Variants in CDH4 observed in about 807,000 individuals in gnomAD.
CDH4 encodes the protein cadherin-4.
Under a neutral mutation model 86.0 loss-of-function variants are expected in CDH4, and 33 were observed. That is an observed-to-expected ratio of 0.38 (90% CI 0.29 to 0.51). CDH4 has a LOEUF of 0.51. Among genes scored for constraint, CDH4 ranks in the 20% least tolerant of loss-of-function variants. The probability of loss-of-function intolerance (pLI) is 0.86; values close to 1 mark genes in which losing one functional copy is unlikely to be tolerated. For synonymous variants in CDH4, 555 were observed against 549.4 expected, an observed-to-expected ratio of 1.01 and a Z score of -0.14; for missense variants, 1,114 against 1,307.4, an observed-to-expected ratio of 0.85 and a Z score of 2.28.
At chr20:61,492,094 G>T (rs917104080) in intron 2 of CDH4, among the ~76,000 whole-genome samples, 9 of 147,420 alleles carry the variant, frequency 6.1e-5, no homozygotes, top group African/African-American at 2.4e-4. Flanking sequence ...GGTGTTGATG[G>T]TGGTGGTGTT....
Position 61,938,775 on chromosome 20 carries a change from G to C in CDH4, c.*1832G>C, listed in dbSNP as rs1372246015. 2.0e-5 allele frequency: 3 copies of C among 152,402 alleles called. No individual in the cohort carries two copies. The highest frequency in any genetic ancestry group is 4.4e-5 in the Non-Finnish European group (3 of 68,164). The allele number at this position is 152,402 out of a possible 1,614,324, so 9.4% of individuals were successfully genotyped here. On this transcript the variant is annotated 3_prime_UTR_variant, in exon 16 of 16. Coordinates refer to ENST00000614565, the MANE Select transcript of CDH4 (RefSeq NM_001794.5). ...TGCACACATCTGTGCCAGGCTCACG[G>C]CATGTTCCCGTTGGATGTCAGGGTC...
At chr20:61,821,442 A>C (rs1471975299) in intron 4 of CDH4, among the ~76,000 whole-genome samples, 17 of 16,756 alleles carry the variant, frequency 1.0e-3, no homozygotes, top group African/African-American at 1.3e-3. Context: ...CACAGCCCCC[A>C]CCCCAGCCCA....
At chr20:61,699,031 C>G (rs1449300186) in intron 2 of CDH4, among the ~76,000 whole-genome samples, 1 of 152,246 alleles carries the variant, frequency 6.6e-6, no homozygotes, top group Non-Finnish European at 1.5e-5. Flanking sequence ...TGGCAGGTCC[C>G]CACAGTGGCT....
At position 61,623,203 on chromosome 20, in the gene CDH4, G is replaced by GC. The variant is rs1163659674; in HGVS notation, c.170-120358dup. ...TCAAATCTCGACCCTGCCTATGCCA[G>GC]CCGCTGGCTCACCCCACCTGCCACG... On this transcript the variant is annotated intron_variant, in intron 2 of 15. Coordinates refer to ENST00000614565, the MANE Select transcript of CDH4 (RefSeq NM_001794.5). The surrounding 1 kb of genome is among the most constrained non-coding windows in gnomAD (Gnocchi z 4.4). Among the ~76,000 whole-genome samples the GC allele has an allele frequency of 1.3e-5, 2 of 152,140 alleles. No individual in the cohort carries two copies. Among genetic ancestry groups the GC allele is most frequent in the African/African-American group, 4.8e-5 (2 of 41,430 alleles).
Position 61,702,325 on chromosome 20 carries a change from G to A in CDH4, c.170-41238G>A, listed in dbSNP as rs556519143. Reference sequence around the variant, plus strand: ...TTTCTCGATCCTTGTGGAATCGGGGGCCCAGGATGGGACCGAACAAAGGTG... The same window carrying A: ...TTTCTCGATCCTTGTGGAATCGGGGACCCAGGATGGGACCGAACAAAGGTG... On this transcript the variant is annotated intron_variant, in intron 2 of 15. Coordinates refer to ENST00000614565, the MANE Select transcript of CDH4 (RefSeq NM_001794.5). Among the ~76,000 whole-genome samples, 11 of 152,312 alleles carry A rather than the reference G, an allele frequency of 7.2e-5. 1 individual carries two copies. In the South Asian group the frequency reaches 1.9e-3, roughly 26 times the overall value.
Position 61,917,193 on chromosome 20 carries a change from C to CTGGTAT in CDH4, c.1375-6258_1375-6257insTGGTAT, listed in dbSNP as rs1262697632. On this transcript the variant is annotated intron_variant, in intron 9 of 15. Coordinates refer to ENST00000614565, the MANE Select transcript of CDH4 (RefSeq NM_001794.5). The stretch of plus-strand genomic sequence containing the variant: ...CCATACCAGCCGGGGATGAGGAATG[C>CTGGTAT]GCCTTGCCACCTCCCAGGCTCTACC... 2.0e-5 allele frequency among the ~76,000 whole-genome samples: 3 copies of CTGGTAT among 152,184 alleles called. No homozygotes were observed. In the East Asian group the frequency reaches 5.8e-4, roughly 29 times the overall value.
intron 2 of CDH4, among the ~76,000 whole-genome samples, chr20:61,492,256 ATGG>A (rs1352048997): frequency 7.1e-6 from 1 of 139,950 alleles, no homozygotes; most frequent in Non-Finnish European, 1.6e-5. Flanking sequence ...GCTGATGCTG[ATGG>A]TGGTGTCAGT....
At chr20:61,364,965 AG>A (rs1231418663) in intron 2 of CDH4, among the ~76,000 whole-genome samples, 2 of 152,162 alleles carry the variant, frequency 1.3e-5, no homozygotes, top group African/African-American at 4.8e-5. Context: ...AGGAGCCCCC[AG>A]GGGATCCCAA....
At chr20:61,608,868 C>A (rs112164912) in intron 2 of CDH4, among the ~76,000 whole-genome samples, 11 of 152,150 alleles carry the variant, frequency 7.2e-5, no homozygotes, top group African/African-American at 2.7e-4. Flanking sequence ...GTCCACCTTC[C>A]GTATGCAGAG....
At chr20:61,704,241 A>G (rs1195615084) in intron 2 of CDH4, among the ~76,000 whole-genome samples, 2 of 152,096 alleles carry the variant, frequency 1.3e-5, no homozygotes, top group Non-Finnish European at 2.9e-5. Context: ...CGAGGAAGGC[A>G]TCAGCTCACA....
At chr20:61,476,774 A>C (rs2085538802) in intron 2 of CDH4, among the ~76,000 whole-genome samples, 1 of 152,238 alleles carries the variant, frequency 6.6e-6, no homozygotes, top group African/African-American at 2.4e-5. Context: ...ATATGGTTGA[A>C]AGGACATGGC....
intron 3 of CDH4, among the ~76,000 whole-genome samples, chr20:61,756,237 C>T (rs1428637989): frequency 6.6e-6 from 1 of 151,950 alleles, no homozygotes; most frequent in East Asian, 1.9e-4. Context: ...CACCTGAGCT[C>T]CTCTCAACCC....
chr20:61,352,993 G>T (rs1377740554), intron 2 of CDH4, among the ~76,000 whole-genome samples: 2 of 152,088 alleles, frequency 1.3e-5, no homozygotes, highest in Admixed American at 1.3e-4. Flanking sequence ...GGCCCCTGGG[G>T]CTGAGCTCAG....
At chr20:61,493,083 A>C (rs2085637216) in intron 2 of CDH4, among the ~76,000 whole-genome samples, 1 of 152,214 alleles carries the variant, frequency 6.6e-6, no homozygotes, top group Non-Finnish European at 1.5e-5. Flanking sequence ...TTAGACTCTA[A>C]TAAAGTCACT....
At position 61,928,191 on chromosome 20, in the gene CDH4, G is replaced by T. The variant is rs1420571223; in HGVS notation, c.1773G>T (p.Gly591=). The T allele has an allele frequency of 1.9e-6, 3 of 1,599,432 alleles. No homozygotes were observed. The Admixed American group carries it at 5.0e-5, about 27-fold the overall frequency. The change falls in exon 12 of 16, where the codon GGG becomes GGT. Residue 591 remains glycine, a splice_region_variant and synonymous_variant. Transcript: ENST00000614565. ...YEATFLAADN[G]IPPASGTGTL... Reference sequence around the variant, plus strand: ...TGGTGACCTGTGTCTGTTCCACAGGGATACCCCCGGCCAGCGGCACCGGGA... The same window carrying T: ...TGGTGACCTGTGTCTGTTCCACAGGTATACCCCCGGCCAGCGGCACCGGGA...
chr20:61,284,962 G>C (rs1340458810), intron 2 of CDH4, among the ~76,000 whole-genome samples: 1 of 152,158 alleles, frequency 6.6e-6, no homozygotes, highest in Non-Finnish European at 1.5e-5. Context: ...AGCCAGATTG[G>C]GCCTTGAGCT....
At chr20:61,391,029 C>T (rs2084982503) in intron 2 of CDH4, among the ~76,000 whole-genome samples, 1 of 152,172 alleles carries the variant, frequency 6.6e-6, no homozygotes, top group South Asian at 2.1e-4. Context: ...GGCAGTGCCG[C>T]AGTGGGGGGT....
In CDH4 at chr20:61,284,631, G is replaced by C. The variant is rs73915257; in HGVS notation, c.169+29694G>C. ...TAGCATGTGCTTAACATGTGCGCCG[G>C]ACAGAGGTGCTGGTGATGTGGGTGG... On this transcript the variant is annotated intron_variant, in intron 2 of 15. Coordinates refer to ENST00000614565, the MANE Select transcript of CDH4 (RefSeq NM_001794.5). 5.4e-3 allele frequency among the ~76,000 whole-genome samples: 821 copies of C among 152,342 alleles called. 6 individuals carry two copies. Among genetic ancestry groups the C allele is most frequent in the African/African-American group, 0.018 (765 of 41,572 alleles).
intron 2 of CDH4, among the ~76,000 whole-genome samples, chr20:61,694,754 T>C (rs530490262): frequency 1.6e-4 from 25 of 152,318 alleles, no homozygotes; most frequent in South Asian, 4.1e-4. Context: ...GAGAAGCCAC[T>C]CCTGTCTCCT....
Sources: allele counts gnomAD v4.1 joint callset (sites outside exome capture counted in the v4.1 genomes callset), GRCh38; gene constraint gnomAD v4.1.1; non-coding constraint Gnocchi (gnomAD v3.1); transcripts MANE v1.5; gene names NCBI Gene and HGNC (gene_info 2026-07-23, HGNC 2026-07-21).